The following GSPT1 variants were observed in gnomAD, a reference collection of about 807,000 sequenced individuals.
GSPT1 encodes the protein eukaryotic peptide chain release factor GTP-binding subunit ERF3A.
A neutral mutation model predicts 72.5 loss-of-function variants in GSPT1; 20 were observed. The ratio of observed to expected loss-of-function variants is 0.28; its 90% CI spans 0.19 to 0.40. The LOEUF (loss-of-function observed/expected upper bound fraction) is 0.40. Ranked by LOEUF, GSPT1 falls within the 10% of genes least tolerant of loss-of-function variation. The probability of loss-of-function intolerance (pLI) is 1.00; values close to 1 mark genes in which losing one functional copy is unlikely to be tolerated. For synonymous variants in GSPT1, 334 were observed against 293.5 expected, an observed-to-expected ratio of 1.14 and a Z score of -1.41; for missense variants, 580 against 811.9, an observed-to-expected ratio of 0.71 and a Z score of 3.47.
chr16:11,913,035 C>T (rs1370327822), intron 1 of GSPT1, among the ~76,000 whole-genome samples: 2 of 152,286 alleles, frequency 1.3e-5, no homozygotes, highest in South Asian at 4.1e-4. Context: ...AACTAAAGAA[C>T]AGAACATGCT....
In GSPT1 at chr16:11,901,620, A is replaced by AATATATATAT. The variant is rs113206101; in HGVS notation, c.353-3595_353-3586dup. On this transcript the variant is annotated intron_variant, in intron 1 of 14. Transcript: ENST00000434724. The stretch of plus-strand genomic sequence containing the variant: ...GTGAAACCCCATCTCCACACACAAA[A>AATATATATAT]ATATATATATATATATATGAATTAG... Among the ~76,000 whole-genome samples, 12 of 147,230 alleles carry AATATATATAT rather than the reference A, an allele frequency of 8.2e-5. No homozygotes were observed. In the East Asian group the frequency reaches 1.2e-3, roughly 15 times the overall value.
chr16:11,882,920 G>A (rs1020905610), intron 11 of GSPT1, 95 bp downstream of exon 11: 142 of 769,084 alleles, frequency 1.8e-4, no homozygotes, highest in African/African-American at 8.7e-5. Flanking sequence ...ATGCGCCACT[G>A]TACTCCTGCC....
intron 9 of GSPT1, 107 bp downstream of exon 9, chr16:11,886,364 T>C (rs898805992): frequency 1.5e-5 from 10 of 663,362 alleles, no homozygotes; most frequent in African/African-American, 7.3e-5. Flanking sequence ...TATAAAGATA[T>C]ATGCTCAAAA....
intron 12 of GSPT1, among the ~76,000 whole-genome samples, chr16:11,876,790 T>G (rs1048188682): frequency 2.6e-5 from 4 of 152,110 alleles, no homozygotes; most frequent in African/African-American, 9.7e-5. Flanking sequence ...TGGGAAGACT[T>G]TCCTTATATT....
intron 14 of GSPT1, among the ~76,000 whole-genome samples, chr16:11,874,605 T>G (rs529861138): frequency 2.0e-5 from 3 of 152,228 alleles, no homozygotes; most frequent in African/African-American, 2.4e-5. Flanking sequence ...AAACTATCAT[T>G]TTGTTATATT....
At chr16:11,891,785 C>G (rs2054265193) in intron 5 of GSPT1, among the ~76,000 whole-genome samples, 1 of 151,502 alleles carries the variant, frequency 6.6e-6, no homozygotes, top group Non-Finnish European at 1.5e-5. Flanking sequence ...GTCTCAGCCT[C>G]TCAAGTAGCT....
In GSPT1 at chr16:11,885,197, A is replaced by G; in HGVS notation, c.1331T>C (p.Ile444Thr). 1 of 1,569,184 alleles carries G rather than the reference A, an allele frequency of 6.4e-7. No individual in the cohort carries two copies. The highest frequency in any genetic ancestry group is 8.8e-7 in the Non-Finnish European group (1 of 1,139,150). ...RSVDGPIRLP[I>T]VDKYKDMGTV... Reference sequence around the variant, plus strand: ...TTTGGGTACCTTGTACTTATCCACAATTGGCAGCCTGATTGGTCCATCAAC... The same window carrying G: ...TTTGGGTACCTTGTACTTATCCACAGTTGGCAGCCTGATTGGTCCATCAAC... The change falls in exon 10 of 15, where the codon ATT becomes ACT. Residue 444 changes from isoleucine (I) to threonine (T), a missense_variant. This residue lies in a region of GSPT1 where 120 missense variants were observed against 242.5 expected (regional missense o/e 0.49). Coordinates refer to ENST00000434724, the MANE Select transcript of GSPT1 (RefSeq NM_002094.4).
chr16:11,907,057 G>A (rs1758404581), intron 1 of GSPT1, among the ~76,000 whole-genome samples: 1 of 152,138 alleles, frequency 6.6e-6, no homozygotes, highest in South Asian at 2.1e-4. Context: ...TACAGACAGT[G>A]GTGAACAGAG....
At chr16:11,886,310 T>C (rs1474515193) in intron 9 of GSPT1, among the ~76,000 whole-genome samples, 161 bp downstream of exon 9, 1 of 152,218 alleles carries the variant, frequency 6.6e-6, no homozygotes. Flanking sequence ...AAGATCTTAG[T>C]ATTTTTAAAG....
At chr16:11,911,278 C>G (rs2054553287) in intron 1 of GSPT1, among the ~76,000 whole-genome samples, 1 of 152,190 alleles carries the variant, frequency 6.6e-6, no homozygotes, top group African/African-American at 2.4e-5. Flanking sequence ...CTGAAGAGGT[C>G]ACTTCTGAGA....
chr16:11,893,701 A>G (rs2054298974), intron 5 of GSPT1, among the ~76,000 whole-genome samples: 1 of 152,156 alleles, frequency 6.6e-6, no homozygotes, highest in Non-Finnish European at 1.5e-5. Context: ...GACGCCACCA[A>G]AACTTACAGC....
rs2054065408 is a variant in GSPT1 at position 11,877,669 on chromosome 16, A to G, written c.1429-89T>C. The G allele has an allele frequency of 1.3e-6, 1 of 753,732 alleles. No homozygotes were observed. Among genetic ancestry groups the G allele is most frequent in the Non-Finnish European group, 2.0e-6 (1 of 489,284 alleles). 46.7% of individuals were successfully genotyped at this position (753,732 alleles called of 1,614,324 possible). A position where few individuals can be genotyped will look rare whatever the true frequency, so the allele number is the denominator to read the frequency against. Reference sequence around the variant, plus strand: ...ATCTGAATGTCTGTCTGCTCAATAAAGAGTTGCAAGATTTGACTGTAAACA... The same window carrying G: ...ATCTGAATGTCTGTCTGCTCAATAAGGAGTTGCAAGATTTGACTGTAAACA... On this transcript the variant is annotated intron_variant, in intron 11 of 14. Transcript: ENST00000434724. This position sits in a 1 kb window ranked among gnomAD's most constrained non-coding sequence, Gnocchi z 4.0.
chr16:11,896,676 C>G lies in GSPT1; in HGVS notation c.546G>C (p.Glu182Asp), dbSNP rs369548013. Residue 182 changes from glutamate (E) to aspartate (D), a missense_variant, in exon 4 of 15, where the codon GAG (glutamate) becomes GAC (aspartate). By Grantham distance (45) the Glu-to-Asp change is conservative. Transcript: ENST00000434724. ...CCTCCATCATTTCATGGGCACTTTC[C>G]TCTGGCGGCCTTCCATCTCCCAAGG... ...GGSLGDGRPP[E>D]ESAHEMMEEE... 211 of 1,608,286 alleles carry G rather than the reference C, an allele frequency of 1.3e-4. 1 individual carries two copies. The Middle Eastern group carries it at 4.4e-3, about 34-fold the overall frequency.
intron 3 of GSPT1, among the ~76,000 whole-genome samples, chr16:11,897,044 T>C (rs193209582): frequency 2.0e-5 from 3 of 152,294 alleles, no homozygotes; most frequent in Admixed American, 6.5e-5. Context: ...ATTTTCATAA[T>C]GGCAAACAAA....
Position 11,892,523 on chromosome 16 carries a change from C to CAAA in GSPT1, c.699-1387_699-1385dup, listed in dbSNP as rs1452581943. Among the ~76,000 whole-genome samples, 5 of 116,078 alleles carry CAAA rather than the reference C, an allele frequency of 4.3e-5. 1 individual carries two copies. The East Asian group carries it at 8.2e-4, about 19-fold the overall frequency. 76.2% of individuals were successfully genotyped at this position (116,078 alleles called of 152,430 possible). A position where few individuals can be genotyped will look rare whatever the true frequency, so the allele number is the denominator to read the frequency against. The stretch of plus-strand genomic sequence containing the variant: ...CCCTTTCTCAAAAAAACAAAAAAAA[C>CAAA]AAAAAAAACAAAAAATAAAAAATGG... On this transcript the variant is annotated intron_variant, in intron 5 of 14. Transcript: ENST00000434724.
In GSPT1 at chr16:11,888,537, G is replaced by A. The variant is rs150332737; in HGVS notation, c.777-787C>T. Among the ~76,000 whole-genome samples, 467 of 151,476 alleles carry A rather than the reference G, an allele frequency of 3.1e-3. 3 individuals are homozygous for A. The highest frequency in any genetic ancestry group is 0.01 in the African/African-American group (429 of 41,292). On this transcript the variant is annotated intron_variant, in intron 6 of 14. Coordinates refer to ENST00000434724, the MANE Select transcript of GSPT1 (RefSeq NM_002094.4). ...AGCACTTTGGGAGGCCAAGGCAGGC[G>A]GATCACCTGAGGTCAAGAGATTGAG...
chr16:11,896,479 TA>T, intron 4 of GSPT1, 78 bp downstream of exon 4: 1 of 817,752 alleles, frequency 1.2e-6, no homozygotes, highest in Non-Finnish European at 1.9e-6. Flanking sequence ...TCAGTTTCAC[TA>T]AACATCTCCA....
In GSPT1 at chr16:11,915,532, C is replaced by A. The variant is rs2054621989; in HGVS notation, c.189G>T (p.Ala63=). Residue 63 remains alanine (A), a synonymous_variant, in exon 1 of 15, where the codon GCG becomes GCT. Coordinates refer to ENST00000434724, the MANE Select transcript of GSPT1 (RefSeq NM_002094.4). ...AAEAQRENLS[A]AFSRQLNVNA... ...TGACGTTGAGTTGCCGGCTGAAGGC[C>A]GCGCTGAGGTTCTCCCGCTGGGCCT... The A allele has an allele frequency of 6.6e-7, 1 of 1,516,162 alleles. No individual in the cohort carries two copies. Among genetic ancestry groups the A allele is most frequent in the Non-Finnish European group, 8.8e-7 (1 of 1,133,140 alleles). 93.9% of individuals were successfully genotyped at this position (1,516,162 alleles called of 1,614,324 possible).
intron 9 of GSPT1, among the ~76,000 whole-genome samples, chr16:11,886,137 T>C (rs2054184142): frequency 6.6e-6 from 1 of 152,122 alleles, no homozygotes; most frequent in African/African-American, 2.4e-5. Flanking sequence ...TAAAACCTTT[T>C]GTGCTTCAAA....
Sources: gnomAD v4.1 joint callset for allele counts (sites outside exome capture counted in the v4.1 genomes callset) on GRCh38, gnomAD v4.1.1 for gene constraint, gnomAD v4.1.1 regional missense constraint, Gnocchi (gnomAD v3.1) non-coding constraint, MANE v1.5 for transcripts, NCBI Gene and HGNC (gene_info 2026-07-23, HGNC 2026-07-21) for gene names.